AKR7A3: variants seen among roughly 807,000 people sequenced by gnomAD.
AKR7A3 encodes aldo-keto reductase family 7 member A3.
AKR7A3 carries 37 observed loss-of-function variants against 32.5 expected under a neutral mutation model. The ratio of observed to expected loss-of-function variants is 1.14; its 90% CI spans 0.88 to 1.50. The LOEUF (loss-of-function observed/expected upper bound fraction) is 1.50, where lower values mean the gene tolerates loss of function less well. AKR7A3 is among the 40% of genes most tolerant of loss of function. The pLI, the probability that AKR7A3 is intolerant of heterozygous loss-of-function variation, is 0.00. For synonymous variants in AKR7A3, 177 were observed against 188.4 expected (o/e 0.94, Z 0.50); for missense variants, 412 against 453.2 (o/e 0.91, Z 0.83).
At chr1:19,279,641 T>C (rs1009945512), downstream of AKR7A3, among the ~76,000 whole-genome samples, 2 of 151,916 alleles carry the variant, frequency 1.3e-5, no homozygotes, top group Non-Finnish European at 2.9e-5. Context: ...GGAAACACAT[T>C]GTGGTTTTTA....
rs114042619 is a variant in AKR7A3 at position 19,285,133 on chromosome 1, C to T, written c.508-19G>A. On this transcript the variant is annotated intron_variant, in intron 3 of 6. Coordinates refer to ENST00000361640, the MANE Select transcript of AKR7A3 (RefSeq NM_012067.3). The stretch of plus-strand genomic sequence containing the variant: ...ACATGCCCTGTAAGGAGAGGGGCCC[C>T]GGGGGAGAGGGTGGATGTGTCAAAA... 4.9e-3 allele frequency: 7,880 copies of T among 1,612,566 alleles called. 478 individuals carry two copies. In the African/African-American group the frequency reaches 0.091, roughly 19 times the overall value.
chr1:19,275,526 GC>G, the AKR7A3 span, among the ~76,000 whole-genome samples: 3 of 151,780 alleles, frequency 2.0e-5, no homozygotes, highest in Non-Finnish European at 4.4e-5. Flanking sequence ...AAAAATACTG[GC>G]CCGTATAGTG....
At position 19,283,910 on chromosome 1, in the gene AKR7A3, G is replaced by T; in HGVS notation, c.834+86C>A. 9 of 1,583,510 alleles carry T rather than the reference G, an allele frequency of 5.7e-6. No homozygotes were observed. In the South Asian group the frequency reaches 9.1e-5, roughly 16 times the overall value. ...AAGAAAGAGAAATTTCAGAGGAATCGATAAACAAATGTTTCAGCCTTCATC... is the reference window on the plus strand; with the variant it reads ...AAGAAAGAGAAATTTCAGAGGAATCTATAAACAAATGTTTCAGCCTTCATC... On this transcript the variant is annotated intron_variant, in intron 6 of 6. Coordinates refer to ENST00000361640, the MANE Select transcript of AKR7A3 (RefSeq NM_012067.3).
In AKR7A3 at chr1:19,282,823, C is replaced by G. The variant is rs748878779; in HGVS notation, c.904G>C (p.Ala302Pro). Reference sequence around the variant, plus strand: ...GCCGGCTCCAGGGGCCCTTCCTCTGCCGCTGCCAAGTTCTGCTCCAGCTGC... The same window carrying G: ...GCCGGCTCCAGGGGCCCTTCCTCTGGCGCTGCCAAGTTCTGCTCCAGCTGC... ...LEQLEQNLAA[A>P]EEGPLEPAVV... Residue 302 changes from alanine to proline, a missense_variant, in exon 7 of 7, where the codon GCA (alanine) becomes CCA (proline). By Grantham distance (27) the Ala-to-Pro change is conservative. Transcript: ENST00000361640. 6.2e-7 allele frequency: 1 copy of G among 1,613,386 alleles called. No homozygotes were observed. Among genetic ancestry groups the G allele is most frequent in the South Asian group, 1.1e-5 (1 of 91,058 alleles).
the AKR7A3 span, among the ~76,000 whole-genome samples, chr1:19,275,818 AAAC>A: frequency 1.4e-4 from 21 of 151,962 alleles, no homozygotes; most frequent in East Asian, 1.7e-3. Context: ...TCAACAACAA[AAAC>A]AACAACAAGA....
chr1:19,278,747 T>C (rs1249371415), downstream of AKR7A3, among the ~76,000 whole-genome samples: 2 of 151,796 alleles, frequency 1.3e-5, no homozygotes, highest in East Asian at 3.9e-4. Context: ...ACCCTGTACT[T>C]ATTAGCAGTG....
chr1:19,282,061 T>C (rs2093719623), downstream of AKR7A3, among the ~76,000 whole-genome samples: 1 of 151,884 alleles, frequency 6.6e-6, no homozygotes, highest in Non-Finnish European at 1.5e-5. Flanking sequence ...AGTTAAGACT[T>C]TGGGTGACTA....
At chr1:19,286,937 G>A (rs910888319) in intron 1 of AKR7A3, among the ~76,000 whole-genome samples, 7 of 151,590 alleles carry the variant, frequency 4.6e-5, no homozygotes, top group African/African-American at 7.3e-5. Flanking sequence ...GAGGACTTTC[G>A]CCAGCCAACC....
rs373402145 is a variant in AKR7A3, at chr1:19,284,810, C to T, written c.605-25G>A. On this transcript the variant is annotated intron_variant, in intron 4 of 6. Coordinates refer to ENST00000361640, the MANE Select transcript of AKR7A3 (RefSeq NM_012067.3). ...CCTGAGGGAAAGCAGCAATCAGCCC[C>T]GGGGCCTAGAGTGCCCCAGAAGCTG... The T allele has an allele frequency of 1.1e-4, 185 of 1,611,946 alleles. 2 individuals carry two copies. The South Asian group carries it at 1.3e-3, about 11-fold the overall frequency.
chr1:19,285,234 G>A lies in AKR7A3; in HGVS notation c.508-120C>T, dbSNP rs548882893. 236 of 939,610 alleles carry A rather than the reference G, an allele frequency of 2.5e-4. 1 individual carries two copies. The highest frequency in any genetic ancestry group is 3.5e-4 in the Admixed American group (15 of 43,006). 58.2% of individuals were successfully genotyped at this position (939,610 alleles called of 1,614,324 possible). On this transcript the variant is annotated intron_variant, in intron 3 of 6. Transcript: ENST00000361640. The stretch of plus-strand genomic sequence containing the variant: ...ATTCTAGGACTTTAACCGTCTGGGC[G>A]TATACTTATTCTAACTGGTGCTGGT...
At chr1:19,286,959 C>T (rs187938464) in intron 1 of AKR7A3, among the ~76,000 whole-genome samples, 14 of 151,412 alleles carry the variant, frequency 9.2e-5, no homozygotes, top group Non-Finnish European at 1.9e-4. Context: ...TGGACTCAGA[C>T]AGAAGACAAA....
At chr1:19,275,169 G>A in the AKR7A3 span, among the ~76,000 whole-genome samples, 1 of 151,780 alleles carries the variant, frequency 6.6e-6, no homozygotes, top group African/African-American at 2.4e-5. Context: ...CCAGCACTTT[G>A]GGAGGCCGAG....
chr1:19,276,772 A>G, the AKR7A3 span, among the ~76,000 whole-genome samples: 1 of 151,828 alleles, frequency 6.6e-6, no homozygotes, highest in African/African-American at 2.4e-5. Context: ...ACTGCATTCC[A>G]GCCTGGACAA....
intron 6 of AKR7A3, 28 bp from the exon 7 acceptor site, chr1:19,282,920 C>A: frequency 6.2e-7 from 1 of 1,601,104 alleles, no homozygotes; most frequent in Non-Finnish European, 8.5e-7. Context: ...AGACTTCAAC[C>A]CTCTTCTGCT....
chr1:19,285,065 C>T lies in AKR7A3; in HGVS notation c.557G>A (p.Cys186Tyr), dbSNP rs375692590. 57 of 1,613,334 alleles carry T rather than the reference C, an allele frequency of 3.5e-5. No homozygotes were observed. The highest frequency in any genetic ancestry group is 1.2e-4 in the South Asian group (11 of 91,054). The change falls in exon 4 of 7, where the codon TGC becomes TAC. Residue 186 changes from cysteine to tyrosine, a missense_variant. Coordinates refer to ENST00000361640, the MANE Select transcript of AKR7A3 (RefSeq NM_012067.3). Reference sequence around the variant, plus strand: ...GAACCTCAGTCCAAAGTGCCTGAGGCAGGGGAAGAGCTCCGTTTCCACCTG... The same window carrying T: ...GAACCTCAGTCCAAAGTGCCTGAGGTAGGGGAAGAGCTCCGTTTCCACCTG... ...TRQVETELFPCLRHFGLRFYA... is the reference protein window; with the variant it reads ...TRQVETELFPYLRHFGLRFYA...
chr1:19,282,920 C>T (rs748413731), intron 6 of AKR7A3, 28 bp from the exon 7 acceptor site: 8 of 1,601,102 alleles, frequency 5.0e-6, no homozygotes, highest in Non-Finnish European at 6.8e-6. Flanking sequence ...AGACTTCAAC[C>T]CTCTTCTGCT....
At chr1:19,288,415 C>A in intron 1 of AKR7A3, 81 bp downstream of exon 1, 1 of 1,501,078 alleles carries the variant, frequency 6.7e-7, no homozygotes, top group East Asian at 2.5e-5. Flanking sequence ...TGCCCCGGGG[C>A]CAGGGAGAGC....
At chr1:19,283,835 A>G (rs566985074) in intron 6 of AKR7A3, among the ~76,000 whole-genome samples, 161 bp downstream of exon 6, 1 of 151,512 alleles carries the variant, frequency 6.6e-6, no homozygotes, top group Non-Finnish European at 1.5e-5. Flanking sequence ...TGTCCCCCCA[A>G]AAAAAAAACA....
rs201763306 is a variant in AKR7A3, at chr1:19,284,005, T to C, written c.825A>G (p.Ser275=). Residue 275 remains serine, a synonymous_variant, in exon 6 of 7, where the codon TCA becomes TCG. Coordinates refer to ENST00000361640, the MANE Select transcript of AKR7A3 (RefSeq NM_012067.3). The part of the protein sequence containing the change: ...SATLRWMYHH[S]QLQGAHGDAV... The stretch of plus-strand genomic sequence containing the variant: ...CAGGGTCACTGGTTACCTGCAGCTG[T>C]GAGTGGTGGTACATCCACCGGAGGG... 1.6e-4 allele frequency: 263 copies of C among 1,613,248 alleles called. 1 individual carries two copies. In the Middle Eastern group the frequency reaches 2.9e-3, roughly 18 times the overall value.
Sources: allele counts gnomAD v4.1 joint callset (sites outside exome capture counted in the v4.1 genomes callset), GRCh38; gene constraint gnomAD v4.1.1; transcripts MANE v1.5; gene names NCBI Gene and HGNC (gene_info 2026-07-23, HGNC 2026-07-21).